The following SENP1 variants were observed in gnomAD, a reference collection of about 807,000 sequenced individuals.
SENP1 encodes the protein SUMO specific peptidase 1.
In SENP1, 21 loss-of-function variants were observed where a neutral mutation model predicts 93.0. That is an observed-to-expected ratio of 0.23 (90% CI 0.16 to 0.33). The LOEUF is 0.33. Among genes scored for constraint, SENP1 ranks in the 10% least tolerant of loss-of-function variants. The pLI, the probability that SENP1 is intolerant of heterozygous loss-of-function variation, is 1.00. For synonymous variants in SENP1, 256 were observed against 259.6 expected, an observed-to-expected ratio of 0.99 and a Z score of 0.13; for missense variants, 591 against 758.7, an observed-to-expected ratio of 0.78 and a Z score of 2.60.
At chr12:48,084,759 T>G (rs1267913174) in intron 5 of SENP1, among the ~76,000 whole-genome samples, 1 of 152,174 alleles carries the variant, frequency 6.6e-6, no homozygotes, top group Non-Finnish European at 1.5e-5. Context: ...ATTTTGAGTT[T>G]TTTCTATGTG....
intron 1 of SENP1, 30 bp downstream of exon 1, chr12:48,105,998 C>T (rs1173551939): frequency 1.4e-6 from 1 of 700,620 alleles, no homozygotes; most frequent in Non-Finnish European, 2.6e-6. Context: ...TCCATCCTCA[C>T]CCCTCCCCCA....
chr12:48,092,360 T>C (rs1191316788), intron 4 of SENP1, among the ~76,000 whole-genome samples: 1 of 152,172 alleles, frequency 6.6e-6, no homozygotes, highest in East Asian at 1.9e-4. Context: ...AGAGCATAAT[T>C]GGAATGAGTG....
intron 5 of SENP1, among the ~76,000 whole-genome samples, chr12:48,086,196 G>C (rs1944849957): frequency 6.6e-6 from 1 of 152,114 alleles, no homozygotes; most frequent in African/African-American, 2.4e-5. Flanking sequence ...ACCTTGCTTT[G>C]AAAACTGGTA....
At chr12:48,091,278 G>A (rs568864421) in intron 4 of SENP1, among the ~76,000 whole-genome samples, 9 of 152,102 alleles carry the variant, frequency 5.9e-5, no homozygotes, top group Admixed American at 1.3e-4. Context: ...GGTGAAACCC[G>A]TCTCTACTAA....
intron 10 of SENP1, among the ~76,000 whole-genome samples, chr12:48,066,626 C>T (rs907327914): frequency 1.3e-5 from 2 of 151,990 alleles, no homozygotes; most frequent in African/African-American, 4.8e-5. Context: ...ATCCTCCCGC[C>T]TCAGCCTTCC....
chr12:48,100,075 G>A (rs909253042), intron 2 of SENP1, among the ~76,000 whole-genome samples: 1 of 152,166 alleles, frequency 6.6e-6, no homozygotes, highest in African/African-American at 2.4e-5. Context: ...GGAAAACACA[G>A]AATAGAGAGA....
chr12:48,047,029 T>C lies in SENP1; in HGVS notation c.1725A>G (p.Lys575=). ...AGCCATTGGTGTCAAACTCTTTCCT[T>C]TTCTTGTCAATGCTTTCTTGCTTTA... is the stretch of plus-strand genomic sequence containing the variant. ...QYLKQESIDK[K]RKEFDTNGWQ... Residue 575 remains lysine, a synonymous_variant, in exon 16 of 18, where the codon AAA becomes AAG. Transcript: ENST00000549518. The C allele has an allele frequency of 6.2e-7, 1 of 1,612,950 alleles. No individual in the cohort carries two copies. Among genetic ancestry groups the C allele is most frequent in the East Asian group, 2.2e-5 (1 of 44,872 alleles).
intron 5 of SENP1, chr12:48,085,334 C>T: frequency 6.8e-7 from 1 of 1,464,332 alleles, no homozygotes; most frequent in African/African-American, 1.4e-5. Flanking sequence ...TCCTGGAGAT[C>T]CCCTCCAAGG....
chr12:48,078,342 C>CACATACAT (rs1232801485), intron 6 of SENP1, among the ~76,000 whole-genome samples: 5 of 21,534 alleles, frequency 2.3e-4, no homozygotes, highest in East Asian at 5.0e-3. Context: ...TATACACACA[C>CACATACAT]ATATATATAT....
chr12:48,071,695 C>T lies in SENP1; in HGVS notation c.967G>A (p.Val323Met). Residue 323 changes from valine to methionine, a missense_variant, in exon 9 of 18, where the codon GTG becomes ATG. Physicochemically the swap from Val to Met is conservative, Grantham distance 21 (BLOSUM62 1). Coordinates refer to ENST00000549518, the MANE Select transcript of SENP1 (RefSeq NM_001267594.2). ...GGAGTTGGAGTCTGGGAATCTTTCACTTTCAGTAAAATCACAGAGTCTGAT... is the reference window on the plus strand; with the variant it reads ...GGAGTTGGAGTCTGGGAATCTTTCATTTTCAGTAAAATCACAGAGTCTGAT... ...EGSDSVILLK[V>M]KDSQTPTPSS... 1 of 1,609,248 alleles carries T rather than the reference C, an allele frequency of 6.2e-7. No individual in the cohort carries two copies. The highest frequency in any genetic ancestry group is 8.5e-7 in the Non-Finnish European group (1 of 1,176,252).
At chr12:48,085,351 CAT>C in intron 5 of SENP1, 2 of 1,427,634 alleles carry the variant, frequency 1.4e-6, no homozygotes, top group South Asian at 2.3e-5. Context: ...AAGGAGCACC[CAT>C]ATGAGGACGC....
intron 6 of SENP1, among the ~76,000 whole-genome samples, chr12:48,077,585 C>CT (rs375395018): frequency 8.6e-5 from 13 of 151,448 alleles, no homozygotes; most frequent in African/African-American, 1.7e-4. Flanking sequence ...AACGGGTTCA[C>CT]TTTTTTTTTC....
At chr12:48,066,855 G>T in intron 10 of SENP1, 72 bp downstream of exon 10, 1 of 1,204,442 alleles carries the variant, frequency 8.3e-7, no homozygotes, top group Non-Finnish European at 1.2e-6. Context: ...AGGATGATTA[G>T]CTAATTGTTT....
intron 2 of SENP1, 91 bp downstream of exon 2, chr12:48,101,378 C>A: frequency 3.0e-6 from 3 of 985,536 alleles, no homozygotes; most frequent in Non-Finnish European, 4.7e-6. Context: ...CACAAAGATA[C>A]AAATACTGAA....
intron 13 of SENP1, 189 bp downstream of exon 13, chr12:48,063,521 C>A: frequency 9.8e-6 from 5 of 507,778 alleles, no homozygotes; most frequent in South Asian, 3.4e-5. Flanking sequence ...TAAAATACAC[C>A]TGAGATGTTT....
chr12:48,071,511 G>A (rs546646386), intron 9 of SENP1, among the ~76,000 whole-genome samples, 156 bp downstream of exon 9: 1 of 152,306 alleles, frequency 6.6e-6, no homozygotes, highest in East Asian at 1.9e-4. Flanking sequence ...AGCTACTCGG[G>A]AGGCTGAGGC....
Position 48,063,717 on chromosome 12 carries a change from T to C in SENP1, c.1400A>G (p.Asn467Ser), listed in dbSNP as rs765961639. The part of the protein sequence containing the change: ...IQTLNHLNWL[N>S]DEIINFYMNM... ...AAATAGATGCAACATTACCTCATCA[T>C]TGAGCCAATTCAGATGGTTTAGAGT... Residue 467 changes from asparagine to serine, a missense_variant, in exon 13 of 18, where the codon AAT (asparagine) becomes AGT (serine). Coordinates refer to ENST00000549518, the MANE Select transcript of SENP1 (RefSeq NM_001267594.2). 1.2e-6 allele frequency: 2 copies of C among 1,612,006 alleles called. No individual in the cohort carries two copies. Among genetic ancestry groups the C allele is most frequent in the Non-Finnish European group, 1.7e-6 (2 of 1,178,762 alleles).
chr12:48,056,319 C>A, intron 13 of SENP1, among the ~76,000 whole-genome samples: 1 of 77,626 alleles, frequency 1.3e-5, no homozygotes, highest in Admixed American at 2.0e-4. Context: ...TTACATATCA[C>A]ATATATAAAT....
At chr12:48,063,878 G>A (rs780301604) in intron 12 of SENP1, 37 bp from the exon 13 acceptor site, 19 of 1,580,856 alleles carry the variant, frequency 1.2e-5, no homozygotes, top group Admixed American at 3.5e-5. Flanking sequence ...TCAAACACGC[G>A]TGGCTTCAGA....
Sources: allele counts gnomAD v4.1 joint callset (sites outside exome capture counted in the v4.1 genomes callset), GRCh38; gene constraint gnomAD v4.1.1; transcripts MANE v1.5; gene names NCBI Gene and HGNC (gene_info 2026-07-23, HGNC 2026-07-21).